The following OPCML variants were observed in gnomAD, a reference collection of about 807,000 sequenced individuals.
OPCML encodes the protein opioid binding protein/cell adhesion molecule like.
In OPCML, 13 loss-of-function variants were observed where a neutral mutation model predicts 37.8. That is an observed-to-expected ratio of 0.34 (90% CI 0.22 to 0.55). The LOEUF (loss-of-function observed/expected upper bound fraction) is 0.55, where lower values mean the gene tolerates loss of function less well. Ranked by LOEUF, OPCML falls within the 20% of genes least tolerant of loss-of-function variation. OPCML has a pLI of 0.91. For missense variants in OPCML, 341 were observed against 435.6 expected (o/e 0.78, Z 1.93); for synonymous variants, 176 against 168.8 (o/e 1.04, Z -0.33).
chr11:132,577,701 T>C (rs1439543477), intron 3 of OPCML, among the ~76,000 whole-genome samples: 1 of 152,242 alleles, frequency 6.6e-6, no homozygotes, highest in African/African-American at 2.4e-5. Context: ...AGTCCTTTGG[T>C]GAGTTCTTAG....
chr11:132,567,194 A>G (rs2096425531), intron 3 of OPCML, among the ~76,000 whole-genome samples: 2 of 152,036 alleles, frequency 1.3e-5, no homozygotes, highest in African/African-American at 4.8e-5. Flanking sequence ...TTTTCTCTCT[A>G]GTGGGAAAAA....
At chr11:132,899,739 T>C (rs1307119517) in intron 2 of OPCML, among the ~76,000 whole-genome samples, 1 of 152,050 alleles carries the variant, frequency 6.6e-6, no homozygotes, top group African/African-American at 2.4e-5. Flanking sequence ...GTGGACTCGG[T>C]GGGGAAGATC....
intron 3 of OPCML, among the ~76,000 whole-genome samples, chr11:132,638,163 C>A (rs1940628135): frequency 3.1e-5 from 4 of 128,186 alleles, no homozygotes; most frequent in Non-Finnish European, 5.1e-5. Flanking sequence ...TATATACAGA[C>A]TATATATATA....
chr11:133,411,695 C>T (rs552299090), intron 1 of OPCML, among the ~76,000 whole-genome samples: 34 of 152,260 alleles, frequency 2.2e-4, no homozygotes, highest in African/African-American at 7.5e-4. Flanking sequence ...ATCCTCATCC[C>T]ATTTATCAAT....
intron 1 of OPCML, among the ~76,000 whole-genome samples, chr11:133,489,306 A>G (rs527843048): frequency 7.2e-6 from 1 of 139,664 alleles, no homozygotes; most frequent in African/African-American, 2.9e-5. Context: ...AGAACGGTTT[A>G]AAAAAAAAAA....
chr11:133,035,390 T>C (rs1229408925), intron 1 of OPCML, among the ~76,000 whole-genome samples: 1 of 152,152 alleles, frequency 6.6e-6, no homozygotes, highest in Admixed American at 6.5e-5. Flanking sequence ...AAATGGGACC[T>C]ACAGGCACAG....
chr11:132,585,634 G>A (rs1431536393), intron 3 of OPCML, among the ~76,000 whole-genome samples: 3 of 152,110 alleles, frequency 2.0e-5, no homozygotes, highest in African/African-American at 7.2e-5. Flanking sequence ...TGTCACTAAG[G>A]ATGGGTCAAA....
chr11:133,050,178 C>T (rs1948104631), intron 1 of OPCML, among the ~76,000 whole-genome samples: 1 of 152,200 alleles, frequency 6.6e-6, no homozygotes, highest in African/African-American at 2.4e-5. Flanking sequence ...AGCTTTAGCT[C>T]CTGCCCATTC....
At chr11:133,463,601 C>A (rs780500689) in intron 1 of OPCML, among the ~76,000 whole-genome samples, 2 of 151,786 alleles carry the variant, frequency 1.3e-5, no homozygotes, top group East Asian at 1.9e-4. Flanking sequence ...TAAAATAAAG[C>A]CTTATAGATG....
intron 1 of OPCML, among the ~76,000 whole-genome samples, chr11:133,124,648 T>C (rs1949472082): frequency 6.6e-6 from 1 of 152,148 alleles, no homozygotes; most frequent in African/African-American, 2.4e-5. Flanking sequence ...GACTGAGCTG[T>C]TATCTTCAGG....
Position 132,942,956 on chromosome 11 carries a change from G to T in OPCML, c.116C>A (p.Thr39Lys). The T allele has an allele frequency of 6.2e-7, 1 of 1,614,098 alleles. No individual in the cohort carries two copies. Among genetic ancestry groups the T allele is most frequent in the Non-Finnish European group, 8.5e-7 (1 of 1,179,992 alleles). Residue 39 changes from threonine to lysine, a missense_variant, in exon 2 of 8, where the codon ACG becomes AAG. Transcript: ENST00000524381. ...ATFPKAMDNV[T>K]VRQGESATLR... is the part of the protein sequence containing the mutation. ...GGTGGCGCTCTCCCCCTGCCGGACC[G>T]TCACGTTGTCCATAGCTTTGGGGAA... is the stretch of plus-strand genomic sequence containing the variant.
intron 1 of OPCML, among the ~76,000 whole-genome samples, chr11:133,137,407 C>T (rs539707267): frequency 1.3e-5 from 2 of 152,324 alleles, no homozygotes; most frequent in South Asian, 2.1e-4. Context: ...GTGGATACAA[C>T]ACTTTTCTTC....
intron 3 of OPCML, among the ~76,000 whole-genome samples, chr11:132,598,916 C>T (rs1442647053): frequency 6.6e-6 from 1 of 152,124 alleles, no homozygotes; most frequent in Non-Finnish European, 1.5e-5. Context: ...TTAGCTCAGC[C>T]CTGAGTTTTG....
chr11:133,036,143 AAAG>A (rs777818316), intron 1 of OPCML, among the ~76,000 whole-genome samples: 2 of 151,506 alleles, frequency 1.3e-5, no homozygotes, highest in Non-Finnish European at 3.0e-5. Flanking sequence ...AGTGAAATAA[AAAG>A]AAAAGTTGGT....
intron 1 of OPCML, among the ~76,000 whole-genome samples, chr11:132,957,511 T>C (rs983670716): frequency 2.0e-5 from 3 of 152,176 alleles, no homozygotes; most frequent in Admixed American, 6.5e-5. Context: ...TATTTATAAA[T>C]AAACAAACAC....
intron 2 of OPCML, among the ~76,000 whole-genome samples, chr11:132,875,863 T>C (rs1942990900): frequency 6.6e-6 from 1 of 152,176 alleles, no homozygotes; most frequent in African/African-American, 2.4e-5. Context: ...GTTGTTTTGC[T>C]GGAAAGGTTA....
At chr11:132,716,107 T>C (rs1944465399) in intron 2 of OPCML, among the ~76,000 whole-genome samples, 1 of 152,198 alleles carries the variant, frequency 6.6e-6, no homozygotes, top group African/African-American at 2.4e-5. Flanking sequence ...GGAGGGCTGC[T>C]CCAGATGAGA....
At chr11:132,779,746 G>C (rs1444776166) in intron 2 of OPCML, among the ~76,000 whole-genome samples, 2 of 152,116 alleles carry the variant, frequency 1.3e-5, no homozygotes, top group African/African-American at 4.8e-5. Flanking sequence ...TACAAATAGG[G>C]AGCAGTGGCA....
chr11:132,637,241 G>C (rs1940562517), intron 3 of OPCML, among the ~76,000 whole-genome samples: 1 of 151,830 alleles, frequency 6.6e-6, no homozygotes. Context: ...CCTTACTGAT[G>C]ATTTCTCCCT....
Sources: gnomAD v4.1 joint callset for allele counts (sites outside exome capture counted in the v4.1 genomes callset) on GRCh38, gnomAD v4.1.1 for gene constraint, MANE v1.5 for transcripts, NCBI Gene and HGNC (gene_info 2026-07-23, HGNC 2026-07-21) for gene names.